The following PLXDC2 variants were observed in gnomAD, a reference collection of about 807,000 sequenced individuals.
PLXDC2 encodes plexin domain containing 2, also known as plexin domain-containing protein 2.
A neutral mutation model predicts 68.9 loss-of-function variants in PLXDC2; 40 were observed. The ratio of observed to expected loss-of-function variants is 0.58; its 90% confidence interval spans 0.45 to 0.76. The LOEUF (loss-of-function observed/expected upper bound fraction) is 0.76, where lower values mean the gene tolerates loss of function less well. PLXDC2 is among the 30% of genes least tolerant of loss of function. PLXDC2 has a pLI of 0.00. For missense variants in PLXDC2, 644 were observed against 661.9 expected (o/e 0.97, Z 0.30); for synonymous variants, 243 against 234.2 (o/e 1.04, Z -0.34).
chr10:20,142,643 C>T (rs998361772), intron 4 of PLXDC2, among the ~76,000 whole-genome samples: 1 of 152,056 alleles, frequency 6.6e-6, no homozygotes, highest in Admixed American at 6.5e-5. Context: ...GATTAAATCT[C>T]TAAATAGAGA....
intron 4 of PLXDC2, among the ~76,000 whole-genome samples, chr10:20,121,257 G>A (rs902873219): frequency 2.0e-5 from 3 of 152,180 alleles, no homozygotes; most frequent in African/African-American, 4.8e-5. Flanking sequence ...GCCACTGCAC[G>A]GAGACATGAT....
chr10:20,146,274 AT>A (rs1834075805), intron 5 of PLXDC2, among the ~76,000 whole-genome samples: 1 of 151,736 alleles, frequency 6.6e-6, no homozygotes, highest in South Asian at 2.1e-4. Context: ...TTATAAAATC[AT>A]GGGAGGTTTC....
chr10:20,211,340 C>A (rs991672348), intron 9 of PLXDC2, among the ~76,000 whole-genome samples: 1 of 151,952 alleles, frequency 6.6e-6, no homozygotes, highest in African/African-American at 2.4e-5. Context: ...AAAAAAAATA[C>A]AAGGTAAAAG....
intron 1 of PLXDC2, among the ~76,000 whole-genome samples, chr10:19,873,136 G>C (rs539006159): frequency 7.2e-5 from 11 of 152,280 alleles, no homozygotes; most frequent in African/African-American, 2.6e-4. Context: ...CACGACCGAT[G>C]TTTGTCCATG....
At chr10:19,989,075 C>T (rs1156609710) in intron 1 of PLXDC2, among the ~76,000 whole-genome samples, 1 of 152,022 alleles carries the variant, frequency 6.6e-6, no homozygotes, top group Non-Finnish European at 1.5e-5. Flanking sequence ...GCTGGGATTA[C>T]AGGCATGAGC....
chr10:20,102,444 C>T (rs1564315895), intron 4 of PLXDC2, among the ~76,000 whole-genome samples: 1 of 152,176 alleles, frequency 6.6e-6, no homozygotes, highest in Non-Finnish European at 1.5e-5. Flanking sequence ...TCCTACTATC[C>T]CTTAGTCCAT....
intron 1 of PLXDC2, among the ~76,000 whole-genome samples, chr10:19,966,446 A>AAAATATATATGTGC (rs1241649225): frequency 1.4e-4 from 9 of 62,800 alleles, no homozygotes; most frequent in African/African-American, 2.6e-4. Context: ...ATATATATAA[A>AAAATATATATGTGC]ACATGTGTGT....
intron 1 of PLXDC2, among the ~76,000 whole-genome samples, chr10:19,930,782 G>A (rs931915647): frequency 7.9e-5 from 12 of 152,200 alleles, no homozygotes; most frequent in South Asian, 2.1e-4. Context: ...GACCAACAAG[G>A]TGAAATCCCA....
intron 6 of PLXDC2, among the ~76,000 whole-genome samples, chr10:20,163,436 C>CTTATTATATATTCTCTCCA (rs1564338536): frequency 1.3e-3 from 203 of 151,996 alleles, no homozygotes; most frequent in African/African-American, 4.8e-3. Flanking sequence ...TATTCTCTCC[C>CTTATTATATATTCTCTCCA]ACTTATTATA....
At chr10:19,987,536 G>A (rs935610180) in intron 1 of PLXDC2, among the ~76,000 whole-genome samples, 1 of 149,146 alleles carries the variant, frequency 6.7e-6, no homozygotes, top group African/African-American at 2.5e-5. Context: ...GATTCTTTGA[G>A]TGTTGATGTT....
At chr10:20,058,535 G>T (rs1436552173) in intron 3 of PLXDC2, among the ~76,000 whole-genome samples, 1 of 152,118 alleles carries the variant, frequency 6.6e-6, no homozygotes, top group African/African-American at 2.4e-5. Context: ...CTAGCATAGT[G>T]TCCAAGATAT....
intron 1 of PLXDC2, among the ~76,000 whole-genome samples, chr10:19,918,012 C>G (rs1314857966): frequency 6.6e-6 from 1 of 152,170 alleles, no homozygotes; most frequent in Non-Finnish European, 1.5e-5. Context: ...ATATTTTTAC[C>G]CTTTCTATGC....
At chr10:20,196,592 C>T (rs1834841211) in intron 9 of PLXDC2, among the ~76,000 whole-genome samples, 1 of 152,098 alleles carries the variant, frequency 6.6e-6, no homozygotes, top group African/African-American at 2.4e-5. Context: ...TAGATACCAC[C>T]CAGTAATCTC....
chr10:20,059,291 C>T (rs948628032), intron 3 of PLXDC2, among the ~76,000 whole-genome samples: 1 of 151,814 alleles, frequency 6.6e-6, no homozygotes, highest in African/African-American at 2.4e-5. Flanking sequence ...CTGAATTCTG[C>T]CTGAGTTGTA....
intron 2 of PLXDC2, among the ~76,000 whole-genome samples, chr10:20,010,136 C>T (rs937558868): frequency 6.6e-6 from 1 of 152,146 alleles, no homozygotes; most frequent in African/African-American, 2.4e-5. Flanking sequence ...TCTGTCATTG[C>T]CTTTCCTGGC....
intron 2 of PLXDC2, among the ~76,000 whole-genome samples, chr10:20,039,341 G>A (rs1369773556): frequency 1.3e-5 from 2 of 152,068 alleles, no homozygotes; most frequent in Non-Finnish European, 2.9e-5. Context: ...TTTATTTTAC[G>A]GCATTTCTTT....
In PLXDC2 at chr10:20,142,161, T is replaced by C. The variant is rs140404146; in HGVS notation, c.542-1134T>C. On this transcript the variant is annotated intron_variant, in intron 4 of 13. Transcript: ENST00000377252. ...TGCAATCTGCCAATGAAATATTTATTCAGACCATAAAATGAGTGATCAAAG... is the reference window on the plus strand; with the variant it reads ...TGCAATCTGCCAATGAAATATTTATCCAGACCATAAAATGAGTGATCAAAG... Among the ~76,000 whole-genome samples, 362 of 152,248 alleles carry C rather than the reference T, an allele frequency of 2.4e-3. 2 individuals are homozygous for C. The highest frequency in any genetic ancestry group is 3.6e-3 in the Non-Finnish European group (246 of 67,940).
intron 9 of PLXDC2, among the ~76,000 whole-genome samples, chr10:20,186,642 A>AT (rs1834687729): frequency 6.6e-6 from 1 of 151,914 alleles, no homozygotes; most frequent in Non-Finnish European, 1.5e-5. Context: ...TTTAGCTCCC[A>AT]TTTATAAATG....
intron 2 of PLXDC2, among the ~76,000 whole-genome samples, chr10:20,043,085 G>A (rs1339631035): frequency 3.3e-5 from 5 of 152,270 alleles, no homozygotes; most frequent in African/African-American, 4.8e-5. Context: ...AGGATAAGAC[G>A]TGTTTTGAAT....
Sources: allele counts gnomAD v4.1 joint callset (sites outside exome capture counted in the v4.1 genomes callset), GRCh38; gene constraint gnomAD v4.1.1; transcripts MANE v1.5; gene names NCBI Gene and HGNC (gene_info 2026-07-23, HGNC 2026-07-21).